JARID2: variants seen among roughly 807,000 people sequenced by gnomAD.
JARID2 encodes the protein jumonji and AT-rich interaction domain containing 2, also known as protein Jumonji.
Under a neutral mutation model 125.6 loss-of-function variants are expected in JARID2, and 21 were observed. The ratio of observed to expected loss-of-function variants is 0.17; its 90% confidence interval spans 0.12 to 0.24. The LOEUF (loss-of-function observed/expected upper bound fraction) is 0.24, where lower values mean the gene tolerates loss of function less well. Among genes scored for constraint, JARID2 ranks in the 10% least tolerant of loss-of-function variants. The probability of loss-of-function intolerance (pLI) is 1.00; values close to 1 mark genes in which losing one functional copy is unlikely to be tolerated. For missense variants in JARID2, 1,303 were observed against 1,639.6 expected, an observed-to-expected ratio of 0.79 and a Z score of 3.55; for synonymous variants, 736 against 661.6, an observed-to-expected ratio of 1.11 and a Z score of -1.73.
At chr6:15,285,344 C>T (rs537559054) in intron 1 of JARID2, among the ~76,000 whole-genome samples, 1 of 152,118 alleles carries the variant, frequency 6.6e-6, no homozygotes, top group Non-Finnish European at 1.5e-5. Context: ...AGGCTGGTCT[C>T]CAACTGCTAA....
intron 3 of JARID2, among the ~76,000 whole-genome samples, chr6:15,436,351 T>C (rs1767201322): frequency 6.6e-6 from 1 of 152,324 alleles, no homozygotes. Context: ...CGCTGGTCGA[T>C]GGCTTACTGG....
intron 4 of JARID2, among the ~76,000 whole-genome samples, chr6:15,464,172 A>G (rs1349489354): frequency 1.3e-5 from 2 of 152,194 alleles, no homozygotes; most frequent in South Asian, 2.1e-4. Flanking sequence ...AGGAGAAAAA[A>G]AGAACCTACT....
intron 1 of JARID2, among the ~76,000 whole-genome samples, chr6:15,251,367 A>C (rs1759445037): frequency 1.3e-5 from 2 of 151,962 alleles, no homozygotes; most frequent in South Asian, 4.2e-4. Context: ...TGGTGTGAGG[A>C]CTCACACTCC....
chr6:15,366,303 G>A (rs1042686592), intron 1 of JARID2, among the ~76,000 whole-genome samples: 3 of 151,998 alleles, frequency 2.0e-5, no homozygotes, highest in Admixed American at 2.0e-4. Context: ...TTGTCCATGG[G>A]CCTAGTTTTT....
At chr6:15,468,207 ATC>A (rs1269341771) in intron 4 of JARID2, among the ~76,000 whole-genome samples, 4 of 147,958 alleles carry the variant, frequency 2.7e-5, no homozygotes, top group South Asian at 4.3e-4. Flanking sequence ...ATTTAGAGTA[ATC>A]TCTCTTCCTC....
intron 1 of JARID2, among the ~76,000 whole-genome samples, chr6:15,328,300 GC>G (rs1171136531): frequency 6.6e-6 from 1 of 152,136 alleles, no homozygotes; most frequent in African/African-American, 2.4e-5. Context: ...TAGTAAAGCT[GC>G]TATTTACTGG....
At chr6:15,519,636 TA>T (rs1270047308) in intron 17 of JARID2, among the ~76,000 whole-genome samples, 14 of 152,298 alleles carry the variant, frequency 9.2e-5, no homozygotes, top group African/African-American at 3.1e-4. Flanking sequence ...AGGATATGTA[TA>T]GGTTGAGAAG....
chr6:15,277,222 A>G (rs759108459), intron 1 of JARID2, among the ~76,000 whole-genome samples: 4 of 152,200 alleles, frequency 2.6e-5, no homozygotes, highest in Non-Finnish European at 4.4e-5. Flanking sequence ...AGTAGCACGC[A>G]GTGTGGGTGG....
intron 4 of JARID2, among the ~76,000 whole-genome samples, chr6:15,456,052 T>C (rs988315256): frequency 6.6e-6 from 1 of 152,254 alleles, no homozygotes; most frequent in Admixed American, 6.5e-5. Context: ...CAATTGTGAC[T>C]GTTGTGTTTA....
chr6:15,320,580 G>C (rs1432626384), intron 1 of JARID2, among the ~76,000 whole-genome samples: 2 of 152,068 alleles, frequency 1.3e-5, no homozygotes, highest in Non-Finnish European at 2.9e-5. Context: ...AATTCATCTG[G>C]TATTCATTAC....
At chr6:15,264,182 G>C (rs536448605) in intron 1 of JARID2, among the ~76,000 whole-genome samples, 6 of 152,184 alleles carry the variant, frequency 3.9e-5, no homozygotes, top group Non-Finnish European at 8.8e-5. Context: ...CAGAGAGTGC[G>C]TGTTCCGATT....
At chr6:15,298,134 G>A (rs1219706835) in intron 1 of JARID2, among the ~76,000 whole-genome samples, 1 of 152,202 alleles carries the variant, frequency 6.6e-6, no homozygotes, top group African/African-American at 2.4e-5. Flanking sequence ...ATAGAAAATG[G>A]TGTAATCAGA....
intron 5 of JARID2, 86 bp downstream of exon 5, chr6:15,468,804 A>C: frequency 7.4e-7 from 1 of 1,347,412 alleles, no homozygotes; most frequent in South Asian, 1.4e-5. Flanking sequence ...AAGAGATGAG[A>C]TGAAGGCAAA....
At chr6:15,442,111 A>AT (rs1767473314) in intron 3 of JARID2, among the ~76,000 whole-genome samples, 2 of 142,278 alleles carry the variant, frequency 1.4e-5, no homozygotes, top group South Asian at 4.4e-4. Flanking sequence ...TTGCATTTTG[A>AT]AAAAAAAAAA....
At chr6:15,391,619 C>T (rs1336458319) in intron 2 of JARID2, among the ~76,000 whole-genome samples, 1 of 152,152 alleles carries the variant, frequency 6.6e-6, no homozygotes, top group Non-Finnish European at 1.5e-5. Context: ...TGCAATCTGT[C>T]AAATCATATT....
intron 4 of JARID2, among the ~76,000 whole-genome samples, chr6:15,454,833 A>T (rs1561873613): frequency 6.6e-6 from 1 of 152,130 alleles, no homozygotes; most frequent in African/African-American, 2.4e-5. Context: ...CATGTTGAGT[A>T]TGAAGATGGA....
chr6:15,269,492 C>T (rs554384717), intron 1 of JARID2, among the ~76,000 whole-genome samples: 2 of 152,224 alleles, frequency 1.3e-5, no homozygotes, highest in South Asian at 4.1e-4. Context: ...TGCCCCACCC[C>T]CTAGTAGCTG....
intron 17 of JARID2, among the ~76,000 whole-genome samples, chr6:15,519,367 C>T (rs1771720789): frequency 6.6e-6 from 1 of 152,142 alleles, no homozygotes; most frequent in South Asian, 2.1e-4. Flanking sequence ...CTGTCACTTT[C>T]TCACCCTCAT....
chr6:15,341,886 C>T (rs1251080830), intron 1 of JARID2, among the ~76,000 whole-genome samples: 3 of 152,038 alleles, frequency 2.0e-5, no homozygotes, highest in Non-Finnish European at 4.4e-5. Flanking sequence ...AGTGAATATT[C>T]TTTCATTATT....
Sources: allele counts gnomAD v4.1 joint callset (sites outside exome capture counted in the v4.1 genomes callset), GRCh38; gene constraint gnomAD v4.1.1; transcripts MANE v1.5; gene names NCBI Gene and HGNC (gene_info 2026-07-23, HGNC 2026-07-21).